The following KCTD8 variants were observed in gnomAD, a reference collection of about 807,000 sequenced individuals.
KCTD8 encodes potassium channel tetramerization domain containing 8.
KCTD8 carries 27 observed loss-of-function variants against 31.5 expected under a neutral mutation model. The ratio of observed to expected loss-of-function variants is 0.86; its 90% CI spans 0.63 to 1.18. The LOEUF (loss-of-function observed/expected upper bound fraction) is 1.18, where lower values mean the gene tolerates loss of function less well. KCTD8 is among the 50% of genes most tolerant of loss of function. The probability of loss-of-function intolerance (pLI) is 0.00; values close to 1 mark genes in which losing one functional copy is unlikely to be tolerated. For missense variants in KCTD8, 658 were observed against 647.7 expected, an observed-to-expected ratio of 1.02 and a Z score of -0.17; for synonymous variants, 290 against 280.0, an observed-to-expected ratio of 1.04 and a Z score of -0.36.
chr4:44,372,672 A>C (rs1719821769), intron 1 of KCTD8, among the ~76,000 whole-genome samples: 1 of 152,206 alleles, frequency 6.6e-6, no homozygotes, highest in Non-Finnish European at 1.5e-5. Flanking sequence ...ATTTAAAAAA[A>C]CATACTTCAC....
chr4:44,179,287 C>A (rs1713307144), intron 1 of KCTD8, among the ~76,000 whole-genome samples: 1 of 151,630 alleles, frequency 6.6e-6, no homozygotes. Context: ...GAAATAGAGT[C>A]TATTAAAGAA....
intron 1 of KCTD8, among the ~76,000 whole-genome samples, chr4:44,390,349 C>T (rs1012047422): frequency 6.6e-6 from 1 of 151,906 alleles, no homozygotes; most frequent in Non-Finnish European, 1.5e-5. Context: ...CATTCTCCTA[C>T]ATGTGGCTTG....
chr4:44,216,943 G>T (rs1308095792), intron 1 of KCTD8, among the ~76,000 whole-genome samples: 1 of 152,140 alleles, frequency 6.6e-6, no homozygotes, highest in Admixed American at 6.5e-5. Flanking sequence ...AAGATAAAGT[G>T]ACCTTCCCAC....
intron 1 of KCTD8, among the ~76,000 whole-genome samples, chr4:44,244,847 TG>T (rs58257678): frequency 0.38 from 49,849 of 131,814 alleles, 9,222 homozygotes; most frequent in African/African-American, 0.41. Flanking sequence ...CCTGTAGTTG[TG>T]GGGGGGGGGG....
At chr4:44,446,047 C>G (rs1027836886) in intron 1 of KCTD8, among the ~76,000 whole-genome samples, 1 of 152,170 alleles carries the variant, frequency 6.6e-6, no homozygotes, top group African/African-American at 2.4e-5. Context: ...ATTCAGTGGA[C>G]AGACACTTCA....
At chr4:44,324,045 A>T (rs914041901) in intron 1 of KCTD8, among the ~76,000 whole-genome samples, 7 of 88,274 alleles carry the variant, frequency 7.9e-5, no homozygotes, top group East Asian at 4.0e-4. Flanking sequence ...AAGTATAATT[A>T]AAAAAAAAAA....
At chr4:44,264,989 T>C (rs1716299347) in intron 1 of KCTD8, among the ~76,000 whole-genome samples, 1 of 152,018 alleles carries the variant, frequency 6.6e-6, no homozygotes, top group Non-Finnish European at 1.5e-5. Context: ...AAGATAGGAG[T>C]AACCTCTGCA....
intron 1 of KCTD8, among the ~76,000 whole-genome samples, chr4:44,303,097 G>T (rs550150654): frequency 5.9e-5 from 9 of 152,122 alleles, no homozygotes; most frequent in Non-Finnish European, 1.3e-4. Context: ...TAAGCTTTTT[G>T]ATGTGCTGCT....
intron 1 of KCTD8, among the ~76,000 whole-genome samples, chr4:44,212,647 C>T (rs1026615054): frequency 3.3e-5 from 5 of 152,232 alleles, no homozygotes; most frequent in African/African-American, 7.2e-5. Flanking sequence ...AAAAAAAATT[C>T]CAGTGCTTTC....
At chr4:44,376,567 T>A (rs943718912) in intron 1 of KCTD8, among the ~76,000 whole-genome samples, 1 of 152,188 alleles carries the variant, frequency 6.6e-6, no homozygotes, top group African/African-American at 2.4e-5. Flanking sequence ...AAGAAACCTA[T>A]GTGATTTTCA....
At chr4:44,208,753 G>C (rs1714392643) in intron 1 of KCTD8, among the ~76,000 whole-genome samples, 1 of 152,002 alleles carries the variant, frequency 6.6e-6, no homozygotes, top group Non-Finnish European at 1.5e-5. Context: ...CCTACCTATA[G>C]ATACTGTAAA....
intron 1 of KCTD8, among the ~76,000 whole-genome samples, chr4:44,383,323 A>C (rs549680776): frequency 6.6e-6 from 1 of 152,212 alleles, no homozygotes; most frequent in South Asian, 2.1e-4. Context: ...AACAATTTTA[A>C]AATCTGTATA....
rs960723278 is a variant in KCTD8, at chr4:44,331,995, T to G, written c.961+115568A>C. ...AAATAAGGCACAAGTAATAAAAAAA[T>G]TAAAATACAGTCACACTACAGAAAC... is the stretch of plus-strand genomic sequence containing the variant. On this transcript the variant is annotated intron_variant, in intron 1 of 1. Transcript: ENST00000360029. Among the ~76,000 whole-genome samples, 6 of 151,750 alleles carry G rather than the reference T, an allele frequency of 4.0e-5. No homozygotes were observed. The East Asian group carries it at 1.2e-3, about 29-fold the overall frequency.
intron 1 of KCTD8, among the ~76,000 whole-genome samples, chr4:44,299,553 A>T (rs1717542175): frequency 1.3e-5 from 2 of 151,956 alleles, no homozygotes; most frequent in African/African-American, 4.8e-5. Flanking sequence ...ACATGGTGAA[A>T]CTCCATCTTT....
At chr4:44,432,606 C>T (rs12498651) in intron 1 of KCTD8, among the ~76,000 whole-genome samples, 80,192 of 151,262 alleles carry the variant, frequency 0.53, 23,456 homozygotes, top group South Asian at 0.75. Flanking sequence ...GAAGAAGCAA[C>T]TGGTTGCATT....
In KCTD8 at chr4:44,448,538, C is replaced by T; in HGVS notation, c.-15G>A. On this transcript the variant is annotated 5_prime_UTR_variant, in exon 1 of 2. Transcript: ENST00000360029. The surrounding 1 kb of genome is among the most constrained non-coding windows in gnomAD (Gnocchi z 4.1). ...TTCAGAGCCATAGTCCCCCCGCCGC[C>T]GGCCCAGTGACCCGAGAGAGCTGCA... The T allele has an allele frequency of 6.9e-7, 1 of 1,450,360 alleles. No individual in the cohort carries two copies. 89.8% of individuals were successfully genotyped at this position (1,450,360 alleles called of 1,614,324 possible).
At chr4:44,364,012 T>C (rs2109432045) in intron 1 of KCTD8, among the ~76,000 whole-genome samples, 1 of 152,022 alleles carries the variant, frequency 6.6e-6, no homozygotes, top group South Asian at 2.1e-4. Context: ...AAAGGAAAAA[T>C]TATATGATCT....
chr4:44,390,724 CA>C (rs1720350475), intron 1 of KCTD8, among the ~76,000 whole-genome samples: 1 of 151,560 alleles, frequency 6.6e-6, no homozygotes, highest in African/African-American at 2.4e-5. Context: ...ATCAATAATT[CA>C]AAAAATAACA....
chr4:44,209,354 ACC>A (rs1714411233), intron 1 of KCTD8, among the ~76,000 whole-genome samples: 1 of 152,142 alleles, frequency 6.6e-6, no homozygotes, highest in Admixed American at 6.5e-5. Context: ...CTTTTATTTC[ACC>A]CTATTGAACT....
Sources: gnomAD v4.1 joint callset for allele counts (sites outside exome capture counted in the v4.1 genomes callset) on GRCh38, gnomAD v4.1.1 for gene constraint, Gnocchi (gnomAD v3.1) non-coding constraint, MANE v1.5 for transcripts, NCBI Gene and HGNC (gene_info 2026-07-23, HGNC 2026-07-21) for gene names.